Variants in FGF7 observed in about 807,000 individuals in gnomAD.
The protein encoded by FGF7 is fibroblast growth factor 7, also known as FGF-7.
FGF7 carries 6 observed loss-of-function variants against 20.5 expected under a neutral mutation model. The observed-to-expected ratio is 0.29, with a 90% CI of 0.16 to 0.58. The LOEUF (loss-of-function observed/expected upper bound fraction) is 0.58. FGF7 is among the 20% of genes least tolerant of loss of function. The pLI is 0.90. For missense variants in FGF7, 144 were observed against 228.8 expected, an observed-to-expected ratio of 0.63 and a Z score of 2.39; for synonymous variants, 64 against 74.7, an observed-to-expected ratio of 0.86 and a Z score of 0.74.
At chr15:49,438,144 AG>A (rs1169432736) in intron 2 of FGF7, among the ~76,000 whole-genome samples, 5 of 151,690 alleles carry the variant, frequency 3.3e-5, no homozygotes, top group African/African-American at 9.7e-5. Context: ...ATAAGACTGC[AG>A]GGAAGTCTCA....
chr15:49,484,833 CTGATAA>C lies in FGF7; in HGVS notation c.*334_*339del, dbSNP rs920402655. 2 of 177,786 alleles carry C rather than the reference CTGATAA, an allele frequency of 1.1e-5. No homozygotes were observed. Among genetic ancestry groups the C allele is most frequent in the African/African-American group, 4.7e-5 (2 of 42,370 alleles). 11.0% of individuals were successfully genotyped at this position (177,786 alleles called of 1,614,324 possible). A position where few individuals can be genotyped will look rare whatever the true frequency, so the allele number is the denominator to read the frequency against. ...TTAAGAGTATGTTAGATTTGATTATCTGATAATGATTATTTAAATATTCCTATCTGC... is the reference window on the plus strand; with the variant it reads ...TTAAGAGTATGTTAGATTTGATTATCTGATTATTTAAATATTCCTATCTGC... On this transcript the variant is annotated 3_prime_UTR_variant, in exon 4 of 4. Coordinates refer to ENST00000267843, the MANE Select transcript of FGF7 (RefSeq NM_002009.4).
At chr15:49,430,239 C>A (rs1343894532) in intron 2 of FGF7, among the ~76,000 whole-genome samples, 2 of 151,886 alleles carry the variant, frequency 1.3e-5, no homozygotes, top group Non-Finnish European at 1.5e-5. Context: ...AGGTTCTGTA[C>A]CACAGCCTCA....
In FGF7 at chr15:49,423,261, C is replaced by G. The variant is rs1465137734; in HGVS notation, c.-446C>G. The G allele has an allele frequency of 6.6e-6, 1 of 152,284 alleles. No homozygotes were observed. Among genetic ancestry groups the G allele is most frequent in the Non-Finnish European group, 1.5e-5 (1 of 68,144 alleles). The allele number at this position is 152,284 out of a possible 1,614,324, so 9.4% of individuals were successfully genotyped here. On this transcript the variant is annotated 5_prime_UTR_variant, in exon 1 of 4. Coordinates refer to ENST00000267843, the MANE Select transcript of FGF7 (RefSeq NM_002009.4). ...AGGCTCACACACACACACAAGCACA[C>G]ACGCGCTCACACACAGAGAGAAAAT...
intron 2 of FGF7, among the ~76,000 whole-genome samples, chr15:49,479,413 G>A (rs2055675145): frequency 6.6e-6 from 1 of 152,010 alleles, no homozygotes; most frequent in Non-Finnish European, 1.5e-5. Flanking sequence ...AATCCACAAA[G>A]AAAGACAGCC....
chr15:49,465,680 A>G (rs1412145743), intron 2 of FGF7, among the ~76,000 whole-genome samples: 1 of 152,204 alleles, frequency 6.6e-6, no homozygotes, highest in Non-Finnish European at 1.5e-5. Flanking sequence ...ACAATCTGAG[A>G]TAAAGTATTA....
chr15:49,480,195 T>C (rs1443687397), intron 2 of FGF7, among the ~76,000 whole-genome samples: 1 of 152,250 alleles, frequency 6.6e-6, no homozygotes, highest in African/African-American at 2.4e-5. Flanking sequence ...ATTAAGAATA[T>C]AAGTCTATTC....
intron 2 of FGF7, among the ~76,000 whole-genome samples, chr15:49,477,925 A>G: frequency 6.6e-6 from 1 of 152,122 alleles, no homozygotes; most frequent in South Asian, 2.1e-4. Context: ...CTTTTTAAAT[A>G]ATTTCAACTT....
rs2056306079 is a variant in FGF7, at chr15:49,485,219, TTGA to T, written c.*720_*722del. ...CTTGTATATAAGATAGCAACAGTGA[TTGA>T]TGATAATACTGTACTTCATCTTACT... is the stretch of plus-strand genomic sequence containing the variant. On this transcript the variant is annotated 3_prime_UTR_variant, in exon 4 of 4. Transcript: ENST00000267843. 1 of 152,306 alleles carries T rather than the reference TTGA, an allele frequency of 6.6e-6. No individual in the cohort carries two copies. Among genetic ancestry groups the T allele is most frequent in the Non-Finnish European group, 1.5e-5 (1 of 67,932 alleles). 9.4% of individuals were successfully genotyped at this position (152,306 alleles called of 1,614,324 possible).
chr15:49,484,378 A>G lies in FGF7; in HGVS notation c.459A>G (p.Ser153=). The G allele has an allele frequency of 1.3e-6, 2 of 1,594,982 alleles. No individual in the cohort carries two copies. The highest frequency in any genetic ancestry group is 1.7e-6 in the Non-Finnish European group (2 of 1,178,320). Residue 153 remains serine, a synonymous_variant, in exon 4 of 4, where the codon TCA becomes TCG. Coordinates refer to ENST00000267843, the MANE Select transcript of FGF7 (RefSeq NM_002009.4). ...AAAACCATTACAACACATATGCATC[A>G]GCTAAATGGACACACAACGGAGGGG... ...ILENHYNTYA[S]AKWTHNGGEM...
At chr15:49,466,973 T>C (rs1414799606) in intron 2 of FGF7, among the ~76,000 whole-genome samples, 3 of 152,170 alleles carry the variant, frequency 2.0e-5, no homozygotes, top group Non-Finnish European at 1.5e-5. Flanking sequence ...AAAATGACTT[T>C]AAATCGTGCT....
At chr15:49,437,943 C>G (rs2051262366) in intron 2 of FGF7, among the ~76,000 whole-genome samples, 1 of 151,564 alleles carries the variant, frequency 6.6e-6, no homozygotes, top group Admixed American at 6.6e-5. Flanking sequence ...CATATTTTAA[C>G]CACATCTCAA....
Position 49,424,226 on chromosome 15 carries a change from C to A in FGF7, c.-72C>A. 7.3e-7 allele frequency: 1 copy of A among 1,364,072 alleles called. No homozygotes were observed. Among genetic ancestry groups the A allele is most frequent in the Non-Finnish European group, 1.0e-6 (1 of 971,502 alleles). The allele number at this position is 1,364,072 out of a possible 1,614,324, so 84.5% of individuals were successfully genotyped here. A position where few individuals can be genotyped will look rare whatever the true frequency, so the allele number is the denominator to read the frequency against. On this transcript the variant is annotated 5_prime_UTR_variant, in exon 2 of 4. Coordinates refer to ENST00000267843, the MANE Select transcript of FGF7 (RefSeq NM_002009.4). ...TTCACAGATAGGAAGAGGTCAATGA[C>A]CTAGGAGTAACAATCAACTCAAGAT...
intron 2 of FGF7, among the ~76,000 whole-genome samples, chr15:49,432,326 T>C (rs1567264741): frequency 1.3e-5 from 2 of 151,734 alleles, no homozygotes. Context: ...GGCTGTTTCC[T>C]GTAGCACAGC....
rs540464352 is a variant in FGF7 at position 49,481,830 on chromosome 15, G to A, written c.287-1321G>A. 2.6e-5 allele frequency among the ~76,000 whole-genome samples: 4 copies of A among 152,188 alleles called. No homozygotes were observed. In the East Asian group the frequency reaches 7.7e-4, roughly 29 times the overall value. ...GTAGCTGTGAAACTCTCAACTGGAC[G>A]AGCTCTGACTAGTGTTAAGTATAGT... On this transcript the variant is annotated intron_variant, in intron 2 of 3. Transcript: ENST00000267843.
chr15:49,467,377 T>C (rs1287052798), intron 2 of FGF7, among the ~76,000 whole-genome samples: 1 of 152,104 alleles, frequency 6.6e-6, no homozygotes, highest in Non-Finnish European at 1.5e-5. Context: ...AGAGAAGGTA[T>C]AGTCACTTAT....
Position 49,424,583 on chromosome 15 carries a change from AG to A in FGF7, c.286+1del, listed in dbSNP as rs762071927. ...GACCCAAGAGATGAAGAATAATTAC[AG>A]TAAGTAATTTTAAGTACTGCTCATG... On this transcript the variant is annotated splice_donor_variant, in intron 2 of 3. Coordinates refer to ENST00000267843, the MANE Select transcript of FGF7 (RefSeq NM_002009.4). LOFTEE classifies it high-confidence loss of function. 6.4e-7 allele frequency: 1 copy of A among 1,565,810 alleles called. No homozygotes were observed. The highest frequency in any genetic ancestry group is 8.7e-7 in the Non-Finnish European group (1 of 1,153,966).
chr15:49,424,334 T>C lies in FGF7; in HGVS notation c.37T>C (p.Leu13=), dbSNP rs764963094. Residue 13 remains leucine, a synonymous_variant, in exon 2 of 4, where the codon TTG becomes CTG. Coordinates refer to ENST00000267843, the MANE Select transcript of FGF7 (RefSeq NM_002009.4). ...GATACTGACATGGATCCTGCCAACT[T>C]TGCTCTACAGATCATGCTTTCACAT... ...KWILTWILPT[L]LYRSCFHIIC... 51 of 1,613,476 alleles carry C rather than the reference T, an allele frequency of 3.2e-5. No individual in the cohort carries two copies. Among genetic ancestry groups the C allele is most frequent in the Admixed American group, 6.7e-5 (4 of 59,968 alleles).
intron 2 of FGF7, among the ~76,000 whole-genome samples, chr15:49,443,143 T>C (rs946474173): frequency 2.0e-5 from 3 of 151,712 alleles, no homozygotes; most frequent in East Asian, 3.9e-4. Context: ...TGAGAGCCAA[T>C]TGTTAAATTT....
intron 2 of FGF7, among the ~76,000 whole-genome samples, chr15:49,438,639 A>T (rs186795451): frequency 1.4e-4 from 22 of 151,866 alleles, no homozygotes; most frequent in Admixed American, 1.4e-3. Context: ...ATAATACTGT[A>T]TCATATATTA....
Sources: allele counts gnomAD v4.1 joint callset (sites outside exome capture counted in the v4.1 genomes callset), GRCh38; gene constraint gnomAD v4.1.1; transcripts MANE v1.5; gene names NCBI Gene and HGNC (gene_info 2026-07-23, HGNC 2026-07-21).